RUSC2: variants seen among roughly 807,000 people sequenced by gnomAD.
The protein encoded by RUSC2 is RUN and SH3 domain containing 2.
Under a neutral mutation model 122.2 loss-of-function variants are expected in RUSC2, and 34 were observed. The observed-to-expected ratio is 0.28, with a 90% CI of 0.21 to 0.37. The LOEUF is 0.37. Ranked by LOEUF, RUSC2 falls within the 10% of genes least tolerant of loss-of-function variation. RUSC2 has a pLI of 1.00. For missense variants in RUSC2, 1,747 were observed against 1,952.4 expected (o/e 0.89, Z 1.98); for synonymous variants, 784 against 790.0 (o/e 0.99, Z 0.13).
intron 1 of RUSC2, among the ~76,000 whole-genome samples, chr9:35,508,497 G>T (rs956534116): frequency 2.6e-5 from 4 of 152,174 alleles, no homozygotes; most frequent in Non-Finnish European, 4.4e-5. Context: ...GGCAGTCACT[G>T]TGCCTCTGGT....
At chr9:35,530,625 G>T (rs1466276073) in intron 1 of RUSC2, among the ~76,000 whole-genome samples, 1 of 151,842 alleles carries the variant, frequency 6.6e-6, no homozygotes, top group Non-Finnish European at 1.5e-5. Flanking sequence ...AATTTTGGGG[G>T]TTTTTTGGTT....
chr9:35,529,022 G>A (rs922882131), intron 1 of RUSC2, among the ~76,000 whole-genome samples: 1 of 152,088 alleles, frequency 6.6e-6, no homozygotes, highest in Non-Finnish European at 1.5e-5. Flanking sequence ...AATATACCTT[G>A]TATACCCAAT....
intron 1 of RUSC2, among the ~76,000 whole-genome samples, chr9:35,498,993 TAAC>T (rs1465663690): frequency 6.6e-6 from 1 of 151,696 alleles, no homozygotes; most frequent in African/African-American, 2.4e-5. Flanking sequence ...TTATTAATGT[TAAC>T]AGTAGTGAGG....
intron 1 of RUSC2, among the ~76,000 whole-genome samples, chr9:35,544,307 CTT>C (rs55870659): frequency 3.5e-5 from 4 of 113,104 alleles, no homozygotes; most frequent in Non-Finnish European, 5.1e-5. Flanking sequence ...GATCATATGT[CTT>C]TTTTTTTTTT....
At chr9:35,515,163 C>T (rs1821079945) in intron 1 of RUSC2, among the ~76,000 whole-genome samples, 1 of 152,202 alleles carries the variant, frequency 6.6e-6, no homozygotes, top group African/African-American at 2.4e-5. Flanking sequence ...CAAAGATACA[C>T]ATATACCACT....
At chr9:35,544,080 G>T (rs1821696260) in intron 1 of RUSC2, among the ~76,000 whole-genome samples, 1 of 152,092 alleles carries the variant, frequency 6.6e-6, no homozygotes, top group Admixed American at 6.6e-5. Flanking sequence ...CAATGTTTCA[G>T]GGTTCCAGTT....
rs758882550 is a variant in RUSC2, at chr9:35,559,210, A to G, written c.3342-16A>G. The G allele has an allele frequency of 1.2e-6, 2 of 1,607,766 alleles. No homozygotes were observed. The highest frequency in any genetic ancestry group is 1.7e-6 in the Non-Finnish European group (2 of 1,174,502). ...ATTCACACAAGACTCAACTCTCTTC[A>G]CCTGTCTCCCTACAGCATCCGGTCC... On this transcript the variant is annotated splice_polypyrimidine_tract_variant and intron_variant, in intron 8 of 11. Coordinates refer to ENST00000361226, the MANE Select transcript of RUSC2 (RefSeq NM_014806.5).
At chr9:35,535,933 T>C (rs1313798378) in intron 1 of RUSC2, among the ~76,000 whole-genome samples, 2 of 152,202 alleles carry the variant, frequency 1.3e-5, no homozygotes, top group Admixed American at 6.5e-5. Flanking sequence ...CTAGGTTTTA[T>C]GGGAAATACA....
chr9:35,495,219 GTATA>G (rs1820682384), intron 1 of RUSC2, among the ~76,000 whole-genome samples: 1 of 22,720 alleles, frequency 4.4e-5, no homozygotes, highest in Non-Finnish European at 1.0e-4. Context: ...TATATATAAA[GTATA>G]TATTTATATT....
chr9:35,490,890 T>C (rs1820553644), intron 1 of RUSC2, among the ~76,000 whole-genome samples: 1 of 152,160 alleles, frequency 6.6e-6, no homozygotes, highest in African/African-American at 2.4e-5. Context: ...GCAAGGACGG[T>C]ACACTACTCA....
chr9:35,522,562 C>A (rs1821236217), intron 1 of RUSC2, among the ~76,000 whole-genome samples: 1 of 152,256 alleles, frequency 6.6e-6, no homozygotes, highest in South Asian at 2.1e-4. Flanking sequence ...AATTATGAGC[C>A]CCTCAAATTG....
chr9:35,529,367 G>A (rs1420380979), intron 1 of RUSC2, among the ~76,000 whole-genome samples: 1 of 151,392 alleles, frequency 6.6e-6, no homozygotes, highest in Non-Finnish European at 1.5e-5. Context: ...CTCAGCTCCA[G>A]CTGATTGTTA....
chr9:35,559,307 G>T, intron 9 of RUSC2, 35 bp downstream of exon 9: 1 of 1,566,598 alleles, frequency 6.4e-7, no homozygotes. Context: ...AAACTCAATG[G>T]GTCAGAATTC....
chr9:35,547,537 A>G lies in RUSC2; in HGVS notation c.1016A>G (p.His339Arg), dbSNP rs771600168. Residue 339 changes from histidine (H) to arginine (R), a missense_variant, in exon 2 of 12, where the codon CAC becomes CGC. Coordinates refer to ENST00000361226, the MANE Select transcript of RUSC2 (RefSeq NM_014806.5). The surrounding 1 kb of genome is among the most constrained non-coding windows in gnomAD (Gnocchi z 4.6). ...FESKMSYESH[H>R]PESGGREGGY... ...TCTAAGATGTCTTATGAGTCCCATC[A>G]CCCTGAAAGTGGAGGAAGGGAAGGG... 12 of 1,613,794 alleles carry G rather than the reference A, an allele frequency of 7.4e-6. No individual in the cohort carries two copies.
chr9:35,548,012 C>A lies in RUSC2; in HGVS notation c.1491C>A (p.Arg497=). The A allele has an allele frequency of 1.2e-6, 2 of 1,613,980 alleles. No individual in the cohort carries two copies. The highest frequency in any genetic ancestry group is 1.7e-6 in the Non-Finnish European group (2 of 1,180,046). The change falls in exon 2 of 12, where the codon CGC becomes CGA. Residue 497 remains arginine, a synonymous_variant. Coordinates refer to ENST00000361226, the MANE Select transcript of RUSC2 (RefSeq NM_014806.5). The surrounding 1 kb of genome is among the most constrained non-coding windows in gnomAD (Gnocchi z 4.5). ...TCAGCACTGGACGTCAGCGCTCCCGCAGCTATGATCGCAGCCTGCAGCGCA... is the reference window on the plus strand; with the variant it reads ...TCAGCACTGGACGTCAGCGCTCCCGAAGCTATGATCGCAGCCTGCAGCGCA... ...PNLSTGRQRS[R]SYDRSLQRSP...
At chr9:35,553,778 C>T (rs1267816670) in intron 2 of RUSC2, among the ~76,000 whole-genome samples, 1 of 152,120 alleles carries the variant, frequency 6.6e-6, no homozygotes, top group African/African-American at 2.4e-5. Flanking sequence ...GAGGGTGGAG[C>T]TTGAAAGTGT....
chr9:35,518,006 G>A (rs1295103441), intron 1 of RUSC2, among the ~76,000 whole-genome samples: 2 of 152,166 alleles, frequency 1.3e-5, no homozygotes, highest in Admixed American at 1.3e-4. Flanking sequence ...GAAAACCCAA[G>A]AATGAAAGCA....
rs1207282019 is a variant in RUSC2, at chr9:35,558,724, C to T, written c.3341+157C>T. 2.9e-4 allele frequency among the ~76,000 whole-genome samples: 44 copies of T among 152,202 alleles called. No individual in the cohort carries two copies. On this transcript the variant is annotated intron_variant, in intron 8 of 11. Transcript: ENST00000361226. This position sits in a 1 kb window ranked among gnomAD's most constrained non-coding sequence, Gnocchi z 4.3. ...ATGGCCTCTCAGTAGGTCACTGCCTCCCCACTGTGCCCATGACTCTGTCAC... is the reference window on the plus strand; with the variant it reads ...ATGGCCTCTCAGTAGGTCACTGCCTTCCCACTGTGCCCATGACTCTGTCAC...
chr9:35,547,457 C>T lies in RUSC2; in HGVS notation c.936C>T (p.Cys312=), dbSNP rs753714174. 9 of 1,614,234 alleles carry T rather than the reference C, an allele frequency of 5.6e-6. No homozygotes were observed. Among genetic ancestry groups the T allele is most frequent in the Non-Finnish European group, 6.8e-6 (8 of 1,180,046 alleles). ...APQSCSDSSF[C]SHSDPGAFYL... ...AGTCCTGCAGCGACTCTTCCTTCTG[C>T]AGCCACTCAGACCCTGGCGCCTTCT... Residue 312 remains cysteine, a synonymous_variant, in exon 2 of 12, where the codon TGC becomes TGT. Transcript: ENST00000361226. The surrounding 1 kb of genome is among the most constrained non-coding windows in gnomAD (Gnocchi z 4.6).
Sources: allele counts gnomAD v4.1 joint callset (sites outside exome capture counted in the v4.1 genomes callset), GRCh38; gene constraint gnomAD v4.1.1; non-coding constraint Gnocchi (gnomAD v3.1); transcripts MANE v1.5; gene names NCBI Gene and HGNC (gene_info 2026-07-23, HGNC 2026-07-21).